Variants in TSPAN15 observed in about 807,000 individuals in gnomAD.
The protein encoded by TSPAN15 is tetraspanin-15.
In TSPAN15, 20 loss-of-function variants were observed where a neutral mutation model predicts 34.5. The observed-to-expected ratio is 0.58, with a 90% CI of 0.41 to 0.84. The LOEUF (loss-of-function observed/expected upper bound fraction) is 0.84. TSPAN15 is among the 40% of genes least tolerant of loss of function. The probability of loss-of-function intolerance (pLI) is 0.00; values close to 1 mark genes in which losing one functional copy is unlikely to be tolerated. For synonymous variants in TSPAN15, 155 were observed against 153.9 expected (o/e 1.01, Z -0.05); for missense variants, 313 against 386.1 (o/e 0.81, Z 1.59).
Position 69,506,748 on chromosome 10 carries a change from G to C in TSPAN15, c.736-81G>C, listed in dbSNP as rs1188509910. 1.4e-6 allele frequency: 2 copies of C among 1,433,034 alleles called. No homozygotes were observed. The highest frequency in any genetic ancestry group is 5.0e-5 in the East Asian group (2 of 40,336). 88.8% of individuals were successfully genotyped at this position (1,433,034 alleles called of 1,614,324 possible). A position where few individuals can be genotyped will look rare whatever the true frequency, so the allele number is the denominator to read the frequency against. On this transcript the variant is annotated intron_variant, in intron 7 of 7. Transcript: ENST00000373290. The surrounding 1 kb of genome is among the most constrained non-coding windows in gnomAD (Gnocchi z 4.7). ...CATGAGGGCTTGGGACTGGCTGCTT[G>C]GGTTTCTGGGAGCCGGGAGCTGCAG...
At chr10:69,504,098 A>G (rs558695181) in intron 5 of TSPAN15, among the ~76,000 whole-genome samples, 8 of 152,310 alleles carry the variant, frequency 5.3e-5, no homozygotes, top group South Asian at 2.1e-4. Context: ...GACCTCTGAG[A>G]CGGTGTGAGC....
At chr10:69,462,429 G>T (rs1245798300) in intron 1 of TSPAN15, among the ~76,000 whole-genome samples, 1 of 152,082 alleles carries the variant, frequency 6.6e-6, no homozygotes. Context: ...CCGCCTCCCA[G>T]GTTTATGCCA....
intron 5 of TSPAN15, among the ~76,000 whole-genome samples, chr10:69,501,681 C>T (rs1439661392): frequency 6.6e-6 from 1 of 152,184 alleles, no homozygotes; most frequent in East Asian, 1.9e-4. Flanking sequence ...AGGAGCTGAG[C>T]CTCGTGTCTG....
chr10:69,524,804 A>T, the TSPAN15 span, among the ~76,000 whole-genome samples: 2 of 143,708 alleles, frequency 1.4e-5, no homozygotes, highest in Admixed American at 1.5e-4. Context: ...TTTTGAGACG[A>T]AGTCTCGCTC....
the TSPAN15 span, among the ~76,000 whole-genome samples, chr10:69,522,020 C>A: frequency 0.2 from 29,408 of 147,174 alleles, 4,710 homozygotes; most frequent in Middle Eastern, 0.3. Flanking sequence ...TGATGTTGAG[C>A]ATCTTTTCAT....
chr10:69,519,105 G>A, the TSPAN15 span, among the ~76,000 whole-genome samples: 846 of 152,374 alleles, frequency 5.6e-3, 13 homozygotes, highest in African/African-American at 0.019. Context: ...CAATGCTGAG[G>A]AGAAAAGCTA....
At chr10:69,549,217 C>A in the TSPAN15 span, among the ~76,000 whole-genome samples, 3 of 152,152 alleles carry the variant, frequency 2.0e-5, no homozygotes, top group African/African-American at 7.2e-5. Flanking sequence ...TTCTGATTAA[C>A]CCTGTTCTGG....
chr10:69,527,184 GA>G, the TSPAN15 span, among the ~76,000 whole-genome samples: 5 of 148,258 alleles, frequency 3.4e-5, no homozygotes, highest in African/African-American at 1.2e-4. Context: ...AGCACTGGAT[GA>G]ACCTTTAAAA....
the TSPAN15 span, among the ~76,000 whole-genome samples, chr10:69,543,991 T>TG: frequency 6.6e-6 from 1 of 151,088 alleles, no homozygotes; most frequent in African/African-American, 2.4e-5. Context: ...AGATTGGAAC[T>TG]GGGGGGCTTT....
intron 5 of TSPAN15, 32 bp from the exon 6 acceptor site, chr10:69,504,406 T>C: frequency 6.2e-7 from 1 of 1,603,658 alleles, no homozygotes; most frequent in Non-Finnish European, 8.5e-7. Flanking sequence ...AGAACCATTA[T>C]AAATATTAGC....
chr10:69,534,649 A>G, the TSPAN15 span, among the ~76,000 whole-genome samples: 2 of 152,084 alleles, frequency 1.3e-5, no homozygotes, highest in East Asian at 3.9e-4. Context: ...CATGGAAGAA[A>G]GAAGATACAG....
Position 69,504,613 on chromosome 10 carries a change from A to G in TSPAN15, c.618+128A>G, listed in dbSNP as rs1842286598. 4.0e-6 allele frequency: 4 copies of G among 991,344 alleles called. No individual in the cohort carries two copies. The South Asian group carries it at 5.9e-5, about 15-fold the overall frequency. 61.4% of individuals were successfully genotyped at this position (991,344 alleles called of 1,614,324 possible). A position where few individuals can be genotyped will look rare whatever the true frequency, so the allele number is the denominator to read the frequency against. ...TTTCCCACATTCCTGGCTGTGACCC[A>G]GAGCCAGGACTGCTGTGGTTTTCCA... On this transcript the variant is annotated intron_variant, in intron 6 of 7. Transcript: ENST00000373290.
chr10:69,540,387 G>T, the TSPAN15 span, among the ~76,000 whole-genome samples: 1 of 152,178 alleles, frequency 6.6e-6, no homozygotes, highest in Non-Finnish European at 1.5e-5. Context: ...TGGTGCCCAT[G>T]CACAGCTTAA....
chr10:69,512,813 A>G, the TSPAN15 span, among the ~76,000 whole-genome samples: 2 of 152,202 alleles, frequency 1.3e-5, no homozygotes, highest in African/African-American at 4.8e-5. Context: ...TGGATACACC[A>G]TGGTTTATTT....
At chr10:69,465,873 C>T (rs73269808) in intron 1 of TSPAN15, among the ~76,000 whole-genome samples, 1,556 of 152,324 alleles carry the variant, frequency 0.01, 25 homozygotes, top group African/African-American at 0.035. Flanking sequence ...CGAAGCTCTG[C>T]GCTTCCAGAA....
intron 1 of TSPAN15, among the ~76,000 whole-genome samples, chr10:69,454,781 C>A (rs887098662): frequency 6.6e-6 from 1 of 152,170 alleles, no homozygotes; most frequent in African/African-American, 2.4e-5. Context: ...TGTGCCACTG[C>A]ACTCCAGCCT....
intron 1 of TSPAN15, among the ~76,000 whole-genome samples, chr10:69,470,793 A>G (rs1303731475): frequency 1.3e-5 from 2 of 152,040 alleles, no homozygotes; most frequent in African/African-American, 4.8e-5. Flanking sequence ...CCTCCCATCC[A>G]CTCAGAGCAA....
the TSPAN15 span, among the ~76,000 whole-genome samples, chr10:69,530,779 A>ACTCTCTTTCT: frequency 4.2e-3 from 211 of 49,962 alleles, 37 homozygotes; most frequent in East Asian, 0.02. Flanking sequence ...ACAGAGTGAG[A>ACTCTCTTTCT]CTCTCTCTCT....
Position 69,451,501 on chromosome 10 carries a change from A to G in TSPAN15, c.-94A>G. ...AGAGAACGCCGGTGGCGGGGCTGGT[A>G]GCCCGGCAGCCGCAGGTGGGGCCAC... is the stretch of plus-strand genomic sequence containing the variant. On this transcript the variant is annotated 5_prime_UTR_variant, in exon 1 of 8. Coordinates refer to ENST00000373290, the MANE Select transcript of TSPAN15 (RefSeq NM_012339.5). The G allele has an allele frequency of 1.6e-6, 2 of 1,276,746 alleles. No individual in the cohort carries two copies. Among genetic ancestry groups the G allele is most frequent in the Non-Finnish European group, 9.9e-7 (1 of 1,010,188 alleles). 79.1% of individuals were successfully genotyped at this position (1,276,746 alleles called of 1,614,324 possible).
Sources: gnomAD v4.1 joint callset for allele counts (sites outside exome capture counted in the v4.1 genomes callset) on GRCh38, gnomAD v4.1.1 for gene constraint, Gnocchi (gnomAD v3.1) non-coding constraint, MANE v1.5 for transcripts, NCBI Gene and HGNC (gene_info 2026-07-23, HGNC 2026-07-21) for gene names.